The following JMJD1C variants were observed in gnomAD, a reference collection of about 807,000 sequenced individuals.
JMJD1C encodes the protein jumonji domain containing 1C, also known as jumonji domain-containing protein 1C.
Under a neutral mutation model 245.3 loss-of-function variants are expected in JMJD1C, and 31 were observed. The ratio of observed to expected loss-of-function variants is 0.13; its 90% CI spans 0.09 to 0.17. The LOEUF is 0.17. Among genes scored for constraint, JMJD1C ranks in the 10% least tolerant of loss-of-function variants. The pLI is 1.00. For missense variants in JMJD1C, 2,691 were observed against 3,000.2 expected (o/e 0.90, Z 2.41); for synonymous variants, 1,057 against 1,017.4 (o/e 1.04, Z -0.74).
chr10:63,194,167 A>C (rs1845178704), intron 14 of JMJD1C, 119 bp downstream of exon 14: 2 of 698,760 alleles, frequency 2.9e-6, no homozygotes, highest in Admixed American at 2.1e-5. Context: ...ACTGAGCAAG[A>C]CAATTCAAAA....
At chr10:63,448,177 G>A (rs2132989052) in intron 1 of JMJD1C, among the ~76,000 whole-genome samples, 1 of 151,968 alleles carries the variant, frequency 6.6e-6, no homozygotes, top group East Asian at 1.9e-4. Context: ...TTTTATTTGA[G>A]ATGGAGTCTT....
At chr10:63,417,131 T>A (rs145187948) in intron 1 of JMJD1C, among the ~76,000 whole-genome samples, 1 of 152,012 alleles carries the variant, frequency 6.6e-6, no homozygotes. Flanking sequence ...TTTGAAAAAA[T>A]TTTTTACCCA....
chr10:63,282,677 C>G (rs1187945214), intron 2 of JMJD1C, among the ~76,000 whole-genome samples: 1 of 152,148 alleles, frequency 6.6e-6, no homozygotes, highest in African/African-American at 2.4e-5. Flanking sequence ...AATAAAATTT[C>G]GATAACATTT....
intron 3 of JMJD1C, chr10:63,222,567 T>G: frequency 6.3e-7 from 1 of 1,588,254 alleles, no homozygotes; most frequent in East Asian, 2.2e-5. Flanking sequence ...CAGTTTGAAC[T>G]GTCAGAACAA....
At chr10:63,178,835 G>GA (rs1016330527) in intron 22 of JMJD1C, among the ~76,000 whole-genome samples, 1 of 152,152 alleles carries the variant, frequency 6.6e-6, no homozygotes, top group African/African-American at 2.4e-5. Context: ...CTAAGTGTAG[G>GA]ACCACAGGAA....
At chr10:63,299,582 CAAAT>C (rs2133983629) in intron 2 of JMJD1C, among the ~76,000 whole-genome samples, 1 of 152,190 alleles carries the variant, frequency 6.6e-6, no homozygotes, top group South Asian at 2.1e-4. Context: ...AACAATAGCA[CAAAT>C]AATAGAGCAA....
At chr10:63,269,098 G>T in intron 2 of JMJD1C, 1 of 985,434 alleles carries the variant, frequency 1.0e-6, no homozygotes, top group Non-Finnish European at 1.2e-6. Flanking sequence ...TACATAACCA[G>T]TAAGATACTC....
intron 1 of JMJD1C, among the ~76,000 whole-genome samples, chr10:63,407,731 A>T (rs1254107144): frequency 6.6e-6 from 1 of 152,050 alleles, no homozygotes; most frequent in African/African-American, 2.4e-5. Context: ...CATTAAAAAA[A>T]AAAAGAATAT....
At chr10:63,519,098 G>T (rs1955119412) in intron 1 of JMJD1C, among the ~76,000 whole-genome samples, 1 of 152,164 alleles carries the variant, frequency 6.6e-6, no homozygotes, top group African/African-American at 2.4e-5. Flanking sequence ...TCCAACCCAT[G>T]GCCTATTGAG....
chr10:63,376,011 G>A (rs189668490), intron 2 of JMJD1C, among the ~76,000 whole-genome samples: 46 of 152,132 alleles, frequency 3.0e-4, no homozygotes, highest in Admixed American at 1.2e-3. Context: ...GAAAGTTGAC[G>A]GAAAAACATT....
In JMJD1C at chr10:63,380,100, C is replaced by G; in HGVS notation, c.333+218G>C. On this transcript the variant is annotated intron_variant, in intron 2 of 25. Coordinates refer to ENST00000399262, the MANE Select transcript of JMJD1C (RefSeq NM_032776.3). ...GACCACAGGTATGTGCCACCACATC[C>G]AGCTATTTTTTTTTTTTTTTTTTGG... 18 of 503,838 alleles carry G rather than the reference C, an allele frequency of 3.6e-5. 1 individual carries two copies. In the South Asian group the frequency reaches 3.7e-4, roughly 10 times the overall value. 31.2% of individuals were successfully genotyped at this position (503,838 alleles called of 1,614,324 possible). A position where few individuals can be genotyped will look rare whatever the true frequency, so the allele number is the denominator to read the frequency against.
intron 2 of JMJD1C, among the ~76,000 whole-genome samples, chr10:63,303,187 G>A (rs1396417601): frequency 1.3e-5 from 2 of 152,190 alleles, no homozygotes; most frequent in Non-Finnish European, 2.9e-5. Context: ...AAAACTCTTT[G>A]CATCTAAGAT....
chr10:63,460,047 C>T (rs1405484144), intron 1 of JMJD1C, among the ~76,000 whole-genome samples: 1 of 152,148 alleles, frequency 6.6e-6, no homozygotes, highest in Non-Finnish European at 1.5e-5. Context: ...GGAATCCCTC[C>T]GACTGGATCC....
Position 63,214,024 on chromosome 10 carries a change from T to C in JMJD1C, c.2143A>G (p.Arg715Gly), listed in dbSNP as rs1847672584. ...IDKNEHFTVY[R>G]DPALIGSETG... ...TCTGACCCAATAAGTGCAGGATCTC[T>C]GTAAACTGTAAAATGCTCATTTTTA... The change falls in exon 8 of 26, where the codon AGA (arginine) becomes GGA (glycine). Residue 715 changes from arginine (R) to glycine (G), a missense_variant. Arg to Gly is a moderately radical substitution (Grantham distance 125). Transcript: ENST00000399262. 3.1e-6 allele frequency: 5 copies of C among 1,614,214 alleles called. No individual in the cohort carries two copies. Among genetic ancestry groups the C allele is most frequent in the South Asian group, 1.1e-5 (1 of 91,092 alleles).
At position 63,484,241 on chromosome 10, in the gene JMJD1C, GATA is replaced by G. The variant is rs1564963374; in HGVS notation, n.113+37494_113+37496del. Among the ~76,000 whole-genome samples the G allele has an allele frequency of 9.6e-3, 438 of 45,654 alleles. 5 individuals are homozygous for G. Among genetic ancestry groups the G allele is most frequent in the African/African-American group, 0.028 (374 of 13,264 alleles). 30.0% of individuals were successfully genotyped at this position (45,654 alleles called of 152,430 possible). ...GGATGGATGGATGGATGGATGGATA[GATA>G]GATAGATAGATAGATAGATAGATAG... On this transcript the variant is annotated intron_variant and non_coding_transcript_variant, in intron 1 of 3. Coordinates refer to the JMJD1C transcript ENST00000633035.
At chr10:63,181,036 T>A (rs1843416278) in intron 22 of JMJD1C, among the ~76,000 whole-genome samples, 1 of 152,112 alleles carries the variant, frequency 6.6e-6, no homozygotes, top group Non-Finnish European at 1.5e-5. Flanking sequence ...CCAAATAATT[T>A]TTGTATTTTT....
In JMJD1C at chr10:63,204,916, C is replaced by T. The variant is rs1040144449; in HGVS notation, c.5074+1679G>A. 4.3e-5 allele frequency: 42 copies of T among 985,320 alleles called. No homozygotes were observed. In the African/African-American group the frequency reaches 7.2e-4, roughly 17 times the overall value. 61.0% of individuals were successfully genotyped at this position (985,320 alleles called of 1,614,324 possible). ...GGCACAAATGGGAGCCTTCAAGCAT[C>T]CAAGTGCTTGTGAAAGTACTTTGAG... On this transcript the variant is annotated intron_variant, in intron 10 of 25. Coordinates refer to ENST00000399262, the MANE Select transcript of JMJD1C (RefSeq NM_032776.3).
chr10:63,287,091 G>C (rs1373377300), intron 2 of JMJD1C, among the ~76,000 whole-genome samples: 4 of 152,134 alleles, frequency 2.6e-5, no homozygotes, highest in Non-Finnish European at 4.4e-5. Flanking sequence ...CACACCTGTG[G>C]TTCCATCTAC....
chr10:63,196,729 C>T (rs1845502473), intron 13 of JMJD1C, among the ~76,000 whole-genome samples: 1 of 152,192 alleles, frequency 6.6e-6, no homozygotes. Context: ...ACAAAAAATT[C>T]AATACCAGCT....
Sources: allele counts gnomAD v4.1 joint callset (sites outside exome capture counted in the v4.1 genomes callset), GRCh38; gene constraint gnomAD v4.1.1; transcripts MANE v1.5; gene names NCBI Gene and HGNC (gene_info 2026-07-23, HGNC 2026-07-21).